IK: variants seen among roughly 807,000 people sequenced by gnomAD.
IK encodes protein Red.
Under a neutral mutation model 90.9 loss-of-function variants are expected in IK, and 47 were observed. The ratio of observed to expected loss-of-function variants is 0.52; its 90% CI spans 0.41 to 0.66. IK has a LOEUF of 0.66. IK is among the 30% of genes least tolerant of loss of function. IK has a pLI of 0.00. For missense variants in IK, 385 were observed against 709.3 expected, an observed-to-expected ratio of 0.54 and a Z score of 5.19; for synonymous variants, 201 against 227.5, an observed-to-expected ratio of 0.88 and a Z score of 1.05.
At chr5:140,650,935 A>G (rs1581480469) in intron 2 of IK, among the ~76,000 whole-genome samples, 4 of 152,308 alleles carry the variant, frequency 2.6e-5, no homozygotes, top group South Asian at 2.1e-4. Context: ...TCTTATATAC[A>G]TATGTCAGTA....
Position 140,654,723 on chromosome 5 carries a change from T to TCGG in IK, c.634_635insGGC (p.Arg211dup). ...AAAATAAAATTGAATTTAAAACACG[T>TCGG]CTGGGTGAGTACAGTTTCTATACTA... On this transcript the variant is annotated inframe_insertion, in exon 8 of 20. Transcript: ENST00000417647. 1 of 1,593,026 alleles carries TCGG rather than the reference T, an allele frequency of 6.3e-7. No homozygotes were observed. Among genetic ancestry groups the TCGG allele is most frequent in the Non-Finnish European group, 8.6e-7 (1 of 1,163,458 alleles).
chr5:140,657,064 G>A (rs929542958), intron 9 of IK, among the ~76,000 whole-genome samples: 46 of 152,206 alleles, frequency 3.0e-4, no homozygotes, highest in African/African-American at 1.0e-3. Context: ...TTAGCCAGGC[G>A]TGGCGGCATG....
chr5:140,650,212 C>T (rs1046205496), intron 2 of IK, among the ~76,000 whole-genome samples: 1 of 152,202 alleles, frequency 6.6e-6, no homozygotes, highest in Admixed American at 6.5e-5. Context: ...AGTTCAGTCT[C>T]TCTACTCTAT....
chr5:140,650,595 A>G (rs1408538422), intron 2 of IK, among the ~76,000 whole-genome samples: 1 of 151,838 alleles, frequency 6.6e-6, no homozygotes, highest in African/African-American at 2.4e-5. Context: ...TATTTTTTTG[A>G]GACAGAGTCT....
At chr5:140,654,816 C>T in intron 8 of IK, 89 bp downstream of exon 8, 1 of 847,464 alleles carries the variant, frequency 1.2e-6, no homozygotes, top group Non-Finnish European at 1.9e-6. Context: ...TCTCCTTTCC[C>T]CCAACCTCCT....
chr5:140,655,810 G>T lies in IK; in HGVS notation c.638-19G>T, dbSNP rs1418838018. On this transcript the variant is annotated intron_variant, in intron 8 of 19. Transcript: ENST00000417647. ...TTCTTGTAGATCCTGGCTACTTGCT[G>T]CTCTTCTCCTTATTGTAGGCCGCAA... is the stretch of plus-strand genomic sequence containing the variant. 6.2e-7 allele frequency: 1 copy of T among 1,606,354 alleles called. No individual in the cohort carries two copies. The highest frequency in any genetic ancestry group is 8.5e-7 in the Non-Finnish European group (1 of 1,176,170).
chr5:140,658,589 G>A, intron 10 of IK, 148 bp from the exon 11 acceptor site: 1 of 649,738 alleles, frequency 1.5e-6, no homozygotes, highest in South Asian at 1.8e-5. Flanking sequence ...CGAAGTGCTG[G>A]GATTACAGGC....
rs1222007405 is a variant in IK at position 140,657,666 on chromosome 5, C to T, written c.910+4C>T. The T allele has an allele frequency of 3.1e-6, 5 of 1,588,454 alleles. No individual in the cohort carries two copies. In the South Asian group the frequency reaches 4.4e-5, roughly 14 times the overall value. On this transcript the variant is annotated splice_donor_region_variant and intron_variant, in intron 10 of 19. Coordinates refer to ENST00000417647, the MANE Select transcript of IK (RefSeq NM_006083.4). ...AAGCTTAAGAAGAAGGATAAAGGTA[C>T]CTGGAGGGTTAGAGAGAGAAGCCTT... is the stretch of plus-strand genomic sequence containing the variant.
chr5:140,649,562 T>G (rs1019964049), intron 2 of IK, among the ~76,000 whole-genome samples: 1 of 151,406 alleles, frequency 6.6e-6, no homozygotes, highest in Non-Finnish European at 1.5e-5. Flanking sequence ...TTGGCATATC[T>G]TTTCCTCCCG....
chr5:140,659,650 T>C, intron 13 of IK, 106 bp from the exon 14 acceptor site: 1 of 753,602 alleles, frequency 1.3e-6, no homozygotes, highest in Non-Finnish European at 2.3e-6. Context: ...AAAACTTTGT[T>C]AGACAAAAGG....
intron 1 of IK, 83 bp downstream of exon 1, chr5:140,648,007 GGTGTGTGTGTGTGTGTGT>G (rs762057029): frequency 2.0e-5 from 19 of 931,444 alleles, no homozygotes; most frequent in African/African-American, 1.6e-4. Flanking sequence ...GCTTAAGCCG[GGTGTGTGTGTGTGTGTGT>G]GTGTGTGTGT....
At chr5:140,653,199 T>G in intron 5 of IK, 55 bp downstream of exon 5, 2 of 1,490,444 alleles carry the variant, frequency 1.3e-6, no homozygotes, top group Non-Finnish European at 1.8e-6. Context: ...GTCATGCAAA[T>G]ACAATGTGAA....
intron 4 of IK, among the ~76,000 whole-genome samples, 153 bp from the exon 5 acceptor site, chr5:140,652,824 T>C (rs1448633284): frequency 1.3e-5 from 2 of 152,152 alleles, no homozygotes; most frequent in Non-Finnish European, 2.9e-5. Flanking sequence ...TTTGAGTAAC[T>C]ACGAAGAGGT....
Position 140,662,369 on chromosome 5 carries a change from C to T in IK, c.*40C>T, listed in dbSNP as rs745650436. 3 of 1,603,882 alleles carry T rather than the reference C, an allele frequency of 1.9e-6. No individual in the cohort carries two copies. Among genetic ancestry groups the T allele is most frequent in the South Asian group, 2.2e-5 (2 of 90,776 alleles). On this transcript the variant is annotated 3_prime_UTR_variant, in exon 20 of 20. Coordinates refer to ENST00000417647, the MANE Select transcript of IK (RefSeq NM_006083.4). ...CAGAGATGCTCCACAAGGATATGCT[C>T]CCCACTGTTTTCTTTCTACAATTTC...
chr5:140,653,122 G>A lies in IK; in HGVS notation c.382G>A (p.Ala128Thr), dbSNP rs1292932554. ...TATCAGCACCACAGCTAACTATAGG[G>A]CTGTTGGCCCCACTGCTGAGGCGTG... ...ELISTTANYR[A>T]VGPTAEADKS... Residue 128 changes from alanine (A) to threonine (T), a missense_variant, in exon 5 of 20, where the codon GCT becomes ACT. This residue lies in a region of IK where 64 missense variants were observed against 144.6 expected (regional missense o/e 0.44). Transcript: ENST00000417647. 3 of 1,613,838 alleles carry A rather than the reference G, an allele frequency of 1.9e-6. No individual in the cohort carries two copies. Among genetic ancestry groups the A allele is most frequent in the Non-Finnish European group, 2.5e-6 (3 of 1,179,836 alleles).
Position 140,654,673 on chromosome 5 carries a change from C to CT in IK, c.591-4dup. On this transcript the variant is annotated splice_region_variant and splice_polypyrimidine_tract_variant and intron_variant, in intron 7 of 19. Coordinates refer to ENST00000417647, the MANE Select transcript of IK (RefSeq NM_006083.4). ...TTTAGCAAAAATAAAACTTTTTTGT[C>CT]TTTTCAGGAAAGATGAGGATCCTGA... The CT allele has an allele frequency of 6.2e-7, 1 of 1,600,564 alleles. No individual in the cohort carries two copies. The highest frequency in any genetic ancestry group is 1.3e-5 in the African/African-American group (1 of 74,658).
At chr5:140,648,407 A>G (rs1402401093) in intron 1 of IK, 64 bp from the exon 2 acceptor site, 1 of 1,483,722 alleles carries the variant, frequency 6.7e-7, no homozygotes, top group Non-Finnish European at 9.4e-7. Context: ...ACTATATCTC[A>G]AATTTTTGCA....
chr5:140,654,848 GAC>G, intron 8 of IK, 121 bp downstream of exon 8: 2 of 736,246 alleles, frequency 2.7e-6, no homozygotes, highest in Non-Finnish European at 4.5e-6. Flanking sequence ...TTCTTTTTGA[GAC>G]AGTGTCTCAC....
At chr5:140,655,765 A>G in intron 8 of IK, 64 bp from the exon 9 acceptor site, 1 of 1,531,546 alleles carries the variant, frequency 6.5e-7, no homozygotes. Context: ...AGCACAGAGT[A>G]AGCACATAAG....
Sources: allele counts gnomAD v4.1 joint callset (sites outside exome capture counted in the v4.1 genomes callset), GRCh38; gene constraint gnomAD v4.1.1; regional missense constraint gnomAD v4.1.1; transcripts MANE v1.5; gene names NCBI Gene and HGNC (gene_info 2026-07-23, HGNC 2026-07-21).